The following C21orf91 variants were observed in gnomAD, a reference collection of about 807,000 sequenced individuals.
C21orf91 encodes chromosome 21 open reading frame 91, also known as protein EURL homolog.
Under a neutral mutation model 32.9 loss-of-function variants are expected in C21orf91, and 26 were observed. That is an observed-to-expected ratio of 0.79 (90% CI 0.58 to 1.10). The LOEUF is 1.10. C21orf91 is among the 50% of genes least tolerant of loss of function. The pLI is 0.00. For missense variants in C21orf91, 310 were observed against 341.3 expected (o/e 0.91, Z 0.72); for synonymous variants, 126 against 120.4 (o/e 1.05, Z -0.31).
chr21:17,817,843 T>A (rs1198248836), intron 2 of C21orf91: 1 of 168,638 alleles, frequency 5.9e-6, no homozygotes, highest in Non-Finnish European at 1.3e-5. Context: ...AATAAAAAAA[T>A]TGTTATGTTA....
At chr21:17,795,122 T>C in intron 4 of C21orf91, 86 bp downstream of exon 4, 3 of 847,562 alleles carry the variant, frequency 3.5e-6, no homozygotes, top group Non-Finnish European at 6.2e-6. Flanking sequence ...AATTTAAATG[T>C]AGATAAAGCC....
intron 1 of C21orf91, 71 bp from the exon 2 acceptor site, chr21:17,818,396 G>C: frequency 7.9e-7 from 1 of 1,258,076 alleles, no homozygotes; most frequent in South Asian, 1.4e-5. Flanking sequence ...CCTTTACTGG[G>C]AACTTCTAGG....
At position 17,815,392 on chromosome 21, in the gene C21orf91, C is replaced by G. The variant is rs534829620; in HGVS notation, c.127+2800G>C. On this transcript the variant is annotated intron_variant, in intron 2 of 4. Coordinates refer to ENST00000284881, the MANE Select transcript of C21orf91 (RefSeq NM_001100420.2). ...ACTACCAAACTACAAAAAATTTACA[C>G]TAAACTAGTAAAGTTAAATGTCATT... is the stretch of plus-strand genomic sequence containing the variant. Among the ~76,000 whole-genome samples, 108 of 152,038 alleles carry G rather than the reference C, an allele frequency of 7.1e-4. 9 individuals are homozygous for G. The highest frequency in any genetic ancestry group is 2.9e-5 in the Non-Finnish European group (2 of 68,018).
intron 2 of C21orf91, among the ~76,000 whole-genome samples, chr21:17,797,859 AC>A (rs1446249588): frequency 6.6e-5 from 10 of 152,060 alleles, no homozygotes; most frequent in African/African-American, 2.2e-4. Context: ...CAGAAATATT[AC>A]TTTTATATCT....
In C21orf91 at chr21:17,790,713, T is replaced by C. The variant is rs1333422631; in HGVS notation, c.*2702A>G. The C allele has an allele frequency of 1.3e-5, 2 of 152,124 alleles. No homozygotes were observed. The highest frequency in any genetic ancestry group is 4.8e-5 in the African/African-American group (2 of 41,454). 9.4% of individuals were successfully genotyped at this position (152,124 alleles called of 1,614,324 possible). ...TAAAAAAGACTAATTTAGATATTAA[T>C]ATGAGGATCAAAGGATAAGATGATA... On this transcript the variant is annotated 3_prime_UTR_variant, in exon 5 of 5. Transcript: ENST00000284881.
intron 2 of C21orf91, among the ~76,000 whole-genome samples, chr21:17,800,939 T>C (rs1043347162): frequency 6.6e-6 from 1 of 152,198 alleles, no homozygotes; most frequent in African/African-American, 2.4e-5. Context: ...GGAATGCTTT[T>C]ACACTGTTGG....
Position 17,799,491 on chromosome 21 carries a change from G to A in C21orf91, c.128-2373C>T, listed in dbSNP as rs117934839. Among the ~76,000 whole-genome samples, 8 of 152,076 alleles carry A rather than the reference G, an allele frequency of 5.3e-5. No homozygotes were observed. In the East Asian group the frequency reaches 1.2e-3, roughly 22 times the overall value. ...CCTCCTTGAAAGCTCTTCACTCCCC[G>A]CAATCCCAGAGGTTTTGCTGACCGT... On this transcript the variant is annotated intron_variant, in intron 2 of 4. Transcript: ENST00000284881.
Position 17,793,388 on chromosome 21 carries a change from AG to A in C21orf91, c.*26del. On this transcript the variant is annotated 3_prime_UTR_variant, in exon 5 of 5. Transcript: ENST00000284881. ...CATGTCTGGGAGACCAATAAAGGGC[AG>A]GGCATACGAAGTAAGTCTGTTTAGG... is the stretch of plus-strand genomic sequence containing the variant. 6.6e-7 allele frequency: 1 copy of A among 1,518,550 alleles called. No individual in the cohort carries two copies. The highest frequency in any genetic ancestry group is 8.9e-7 in the Non-Finnish European group (1 of 1,121,598). 94.1% of individuals were successfully genotyped at this position (1,518,550 alleles called of 1,614,324 possible).
chr21:17,799,772 T>C (rs960821475), intron 2 of C21orf91, among the ~76,000 whole-genome samples: 1 of 152,190 alleles, frequency 6.6e-6, no homozygotes, highest in Non-Finnish European at 1.5e-5. Flanking sequence ...ACCATGTCTA[T>C]CTTACTCATA....
chr21:17,795,774 G>A (rs1462828010), intron 3 of C21orf91, among the ~76,000 whole-genome samples: 1 of 152,090 alleles, frequency 6.6e-6, no homozygotes, highest in Non-Finnish European at 1.5e-5. Flanking sequence ...TGCCTGGCCA[G>A]AAACATATTT....
chr21:17,806,988 A>G (rs996290241), intron 2 of C21orf91, among the ~76,000 whole-genome samples: 22 of 152,362 alleles, frequency 1.4e-4, no homozygotes, highest in African/African-American at 5.3e-4. Context: ...AATATCTATG[A>G]CTGATATTTA....
chr21:17,815,777 C>A (rs1440464557), intron 2 of C21orf91, among the ~76,000 whole-genome samples: 2 of 152,146 alleles, frequency 1.3e-5, no homozygotes, highest in Non-Finnish European at 2.9e-5. Flanking sequence ...TCTCTTGCCT[C>A]AGCCTCCTGA....
intron 2 of C21orf91, among the ~76,000 whole-genome samples, chr21:17,799,348 C>T (rs1047401659): frequency 3.9e-5 from 6 of 152,080 alleles, no homozygotes; most frequent in South Asian, 2.1e-4. Flanking sequence ...ATTGGCTCCT[C>T]GAACTCACCT....
Position 17,795,330 on chromosome 21 carries a change from A to C in C21orf91, c.665-60T>G. 6.5e-6 allele frequency: 7 copies of C among 1,070,290 alleles called. No homozygotes were observed. The South Asian group carries it at 8.7e-5, about 13-fold the overall frequency. 66.3% of individuals were successfully genotyped at this position (1,070,290 alleles called of 1,614,324 possible). On this transcript the variant is annotated intron_variant, in intron 3 of 4. Coordinates refer to ENST00000284881, the MANE Select transcript of C21orf91 (RefSeq NM_001100420.2). ...CAACCTAGGAAAACATGCTGCTTAC[A>C]TCACCAACACAATATCCTATTTTTA...
intron 2 of C21orf91, among the ~76,000 whole-genome samples, chr21:17,801,492 G>C (rs544882053): frequency 1.1e-4 from 16 of 152,088 alleles, no homozygotes; most frequent in East Asian, 1.9e-4. Flanking sequence ...GGATGGTCTC[G>C]ATCTCCTGAC....
chr21:17,795,846 G>A (rs147223300), intron 3 of C21orf91, among the ~76,000 whole-genome samples: 1 of 152,276 alleles, frequency 6.6e-6, no homozygotes, highest in Non-Finnish European at 1.5e-5. Flanking sequence ...AAAAATAGTA[G>A]TAGGTCCAAT....
At chr21:17,814,931 G>A (rs2062655911) in intron 2 of C21orf91, among the ~76,000 whole-genome samples, 1 of 152,184 alleles carries the variant, frequency 6.6e-6, no homozygotes, top group African/African-American at 2.4e-5. Flanking sequence ...TCCTCAAAGT[G>A]TGTTTCTCAG....
At chr21:17,793,741 G>A (rs557185005) in intron 4 of C21orf91, among the ~76,000 whole-genome samples, 160 bp from the exon 5 acceptor site, 1 of 152,182 alleles carries the variant, frequency 6.6e-6, no homozygotes, top group East Asian at 1.9e-4. Flanking sequence ...AAGCATATCA[G>A]TTCTGATCAT....
chr21:17,807,821 T>C (rs1402442461), intron 2 of C21orf91, among the ~76,000 whole-genome samples: 1 of 152,138 alleles, frequency 6.6e-6, no homozygotes, highest in East Asian at 1.9e-4. Context: ...GTGGAAGAAA[T>C]TTCTAAGCAG....
Sources: allele counts gnomAD v4.1 joint callset (sites outside exome capture counted in the v4.1 genomes callset), GRCh38; gene constraint gnomAD v4.1.1; transcripts MANE v1.5; gene names NCBI Gene and HGNC (gene_info 2026-07-23, HGNC 2026-07-21).